CHPF: variants seen among roughly 807,000 people sequenced by gnomAD.
CHPF encodes chondroitin polymerizing factor.
A neutral mutation model predicts 55.1 loss-of-function variants in CHPF; 34 were observed. The observed-to-expected ratio is 0.62, with a 90% CI of 0.47 to 0.82. The LOEUF is 0.82. Among genes scored for constraint, CHPF ranks in the 40% least tolerant of loss-of-function variants. The probability of loss-of-function intolerance (pLI) is 0.00; values close to 1 mark genes in which losing one functional copy is unlikely to be tolerated. For synonymous variants in CHPF, 489 were observed against 496.6 expected (o/e 0.98, Z 0.20); for missense variants, 961 against 1,106.1 (o/e 0.87, Z 1.86).
chr2:219,542,303 C>T, intron 1 of CHPF, 114 bp from the exon 2 acceptor site: 1 of 781,838 alleles, frequency 1.3e-6, no homozygotes. Context: ...GTTCTCTCAC[C>T]TATGAATAGG....
At position 219,541,039 on chromosome 2, in the gene CHPF, G is replaced by A. The variant is rs113173886; in HGVS notation, c.975C>T (p.His325=). ...ACATGTGCACAGGGTCACGCACAGG[G>A]TGGGCTGTCAGGGCACTTCGGAAAT... ...DPHFRSALTA[H]PVRDPVHMYQ... Residue 325 remains histidine, a synonymous_variant, in exon 3 of 4, where the codon CAC becomes CAT. Coordinates refer to ENST00000243776, the MANE Select transcript of CHPF (RefSeq NM_024536.6). 5,518 of 1,613,864 alleles carry A rather than the reference G, an allele frequency of 3.4e-3. 13 individuals carry two copies. Among genetic ancestry groups the A allele is most frequent in the Non-Finnish European group, 4.1e-3 (4,850 of 1,179,902 alleles).
rs1480012189 is a variant in CHPF, at chr2:219,543,319, G to A, written c.220C>T (p.Pro74Ser). 2.5e-6 allele frequency: 4 copies of A among 1,572,774 alleles called. No individual in the cohort carries two copies. The highest frequency in any genetic ancestry group is 2.6e-6 in the Non-Finnish European group (3 of 1,169,268). ...TCCCCGGCGCCTTCGCCGGCCCCGG[G>A]CTTCTCGCGCTCCGCTCCGGGCTGC... ...SVQPGAEREKPGAGEGAGENW... is the reference protein window; with the variant it reads ...SVQPGAEREKSGAGEGAGENW... Residue 74 changes from proline (P) to serine (S), a missense_variant, in exon 1 of 4, where the codon CCC (proline) becomes TCC (serine). Pro to Ser is a moderately conservative substitution (Grantham distance 74). This residue lies in a region of CHPF where 936 missense variants were observed against 1,058.4 expected (regional missense o/e 0.88). Transcript: ENST00000243776.
chr2:219,543,626 A>T lies in CHPF; in HGVS notation c.-88T>A. The T allele has an allele frequency of 9.3e-7, 1 of 1,077,172 alleles. No homozygotes were observed. The highest frequency in any genetic ancestry group is 1.2e-6 in the Non-Finnish European group (1 of 829,388). The allele number at this position is 1,077,172 out of a possible 1,614,324, so 66.7% of individuals were successfully genotyped here. ...GGGGGCGGGACCGGGGAGGGGGCGG[A>T]TCCGGAGGGCTCGGGCCCCGCGGGC... On this transcript the variant is annotated 5_prime_UTR_variant, in exon 1 of 4. Transcript: ENST00000243776.
intron 3 of CHPF, 88 bp from the exon 4 acceptor site, chr2:219,540,730 C>A: frequency 7.3e-7 from 1 of 1,378,118 alleles, no homozygotes; most frequent in South Asian, 1.4e-5. Context: ...AGGTGCCACT[C>A]AGGATGGGCC....
chr2:219,541,719 T>A lies in CHPF; in HGVS notation c.785A>T (p.His262Leu). The A allele has an allele frequency of 6.2e-7, 1 of 1,611,344 alleles. No individual in the cohort carries two copies. The highest frequency in any genetic ancestry group is 1.3e-5 in the African/African-American group (1 of 74,982). Residue 262 changes from histidine (H) to leucine (L), a missense_variant, in exon 2 of 4, where the codon CAC becomes CTC. His to Leu is a moderately conservative substitution (Grantham distance 99). Around this residue, in one of 3 missense-constraint regions of CHPF, gnomAD observed 936 missense variants for 1,058.4 expected, o/e 0.88. Coordinates refer to ENST00000243776, the MANE Select transcript of CHPF (RefSeq NM_024536.6). ...GATGTCGTTGCGGCAGCCTTCCAGG[T>A]GGGGGCGCAGTTGTTGCAGCAGCAT... Reference protein sequence around the residue: ...SRMLLQQLRPHLEGCRNDIVS... With the variant: ...SRMLLQQLRPLLEGCRNDIVS...
At position 219,541,758 on chromosome 2, in the gene CHPF, A is replaced by AC. The variant is rs1695273551; in HGVS notation, c.745dup (p.Val249GlyfsTer28). The AC allele has an allele frequency of 6.2e-7, 1 of 1,610,268 alleles. No individual in the cohort carries two copies. The highest frequency in any genetic ancestry group is 1.1e-5 in the South Asian group (1 of 90,536). Reference sequence around the variant, plus strand: ...TTGCAGCAGCATGCGCGACAGCAGCACCCCAAAGCCTCCGTGGCAGTAGCG... The same window carrying AC: ...TTGCAGCAGCATGCGCGACAGCAGCACCCCCAAAGCCTCCGTGGCAGTAGCG... On this transcript the variant is annotated frameshift_variant, in exon 2 of 4. Coordinates refer to ENST00000243776, the MANE Select transcript of CHPF (RefSeq NM_024536.6). LOFTEE classifies it high-confidence loss of function.
rs1229105719 is a variant in CHPF at position 219,543,543 on chromosome 2, C to T, written c.-5G>A. 7.5e-7 allele frequency: 1 copy of T among 1,330,314 alleles called. No homozygotes were observed. The highest frequency in any genetic ancestry group is 3.1e-5 in the East Asian group (1 of 32,042). 82.4% of individuals were successfully genotyped at this position (1,330,314 alleles called of 1,614,324 possible). A position where few individuals can be genotyped will look rare whatever the true frequency, so the allele number is the denominator to read the frequency against. On this transcript the variant is annotated 5_prime_UTR_variant, in exon 1 of 4. Transcript: ENST00000243776. The stretch of plus-strand genomic sequence containing the variant: ...CAGCAGCAGCGATGCCCGCATGGCG[C>T]CCGGACCGCGGGTCCCCGGCCCCGG...
chr2:219,543,511 G>GCA lies in CHPF; in HGVS notation c.26_27dup (p.Leu10CysfsTer18). On this transcript the variant is annotated frameshift_variant, in exon 1 of 4. Transcript: ENST00000243776. LOFTEE classifies it high-confidence loss of function. ...ACGGCCACGGGCCCTGCGGGCCGCA[G>GCA]CACCGACAGCAGCAGCGATGCCCGC... The GCA allele has an allele frequency of 1.5e-6, 2 of 1,357,318 alleles. No individual in the cohort carries two copies. The highest frequency in any genetic ancestry group is 1.9e-6 in the Non-Finnish European group (2 of 1,060,428). The allele number at this position is 1,357,318 out of a possible 1,614,324, so 84.1% of individuals were successfully genotyped here. A position where few individuals can be genotyped will look rare whatever the true frequency, so the allele number is the denominator to read the frequency against.
In CHPF at chr2:219,539,858, G is replaced by A. The variant is rs1274980676; in HGVS notation, c.1853C>T (p.Thr618Met). 9.3e-6 allele frequency: 15 copies of A among 1,613,560 alleles called. No homozygotes were observed. Among genetic ancestry groups the A allele is most frequent in the Admixed American group, 1.7e-5 (1 of 60,014 alleles). ...DTLFLLAGPD[T>M]VLTPDFLNRC... is the part of the protein sequence containing the mutation. ...GTTCAGGAAGTCAGGCGTGAGCACC[G>A]TGTCTGGCCCGGCCAGCAGGAACAG... Residue 618 changes from threonine (T) to methionine (M), a missense_variant, in exon 4 of 4, where the codon ACG becomes ATG. By Grantham distance (81) the Thr-to-Met change is moderately conservative. Around this residue, in one of 3 missense-constraint regions of CHPF, gnomAD observed 936 missense variants for 1,058.4 expected, o/e 0.88. Transcript: ENST00000243776.
At chr2:219,540,855 AT>A (rs1467753546) in intron 3 of CHPF, 90 bp downstream of exon 3, 2 of 1,521,824 alleles carry the variant, frequency 1.3e-6, no homozygotes, top group African/African-American at 1.4e-5. Flanking sequence ...TTGTTCTGTG[AT>A]TCTAGTGCTA....
rs745870642 is a variant in CHPF at position 219,543,216 on chromosome 2, G to T, written c.314+9C>A. The T allele has an allele frequency of 6.6e-7, 1 of 1,525,732 alleles. No homozygotes were observed. The highest frequency in any genetic ancestry group is 8.7e-7 in the Non-Finnish European group (1 of 1,147,870). 94.5% of individuals were successfully genotyped at this position (1,525,732 alleles called of 1,614,324 possible). ...CCCAGGGGGTAGAGCGGGCGCAGCC[G>T]ATCACTACCTGACGGCCTTTTTGGC... On this transcript the variant is annotated intron_variant, in intron 1 of 3. Coordinates refer to ENST00000243776, the MANE Select transcript of CHPF (RefSeq NM_024536.6).
chr2:219,540,672 G>A (rs762989086), intron 3 of CHPF, 30 bp from the exon 4 acceptor site: 5 of 1,551,540 alleles, frequency 3.2e-6, no homozygotes, highest in Non-Finnish European at 4.3e-6. Flanking sequence ...CATCAGCAAG[G>A]GACAGATTAC....
At position 219,542,200 on chromosome 2, in the gene CHPF, A is replaced by G. The variant is rs1695286969; in HGVS notation, c.315-11T>C. On this transcript the variant is annotated splice_polypyrimidine_tract_variant and intron_variant, in intron 1 of 3. Coordinates refer to ENST00000243776, the MANE Select transcript of CHPF (RefSeq NM_024536.6). ...CTGATGTAGCGGGTCCTAGGGGAGG[A>G]GATGGCACAAGCTTATCAAAAGGAC... 3 of 785,996 alleles carry G rather than the reference A, an allele frequency of 3.8e-6. No individual in the cohort carries two copies. The highest frequency in any genetic ancestry group is 3.2e-6 in the Non-Finnish European group (2 of 620,046). The allele number at this position is 785,996 out of a possible 1,614,324, so 48.7% of individuals were successfully genotyped here.
chr2:219,541,699 C>T lies in CHPF; in HGVS notation c.805G>A (p.Asp269Asn). 1.2e-6 allele frequency: 2 copies of T among 1,611,920 alleles called. No individual in the cohort carries two copies. Among genetic ancestry groups the T allele is most frequent in the South Asian group, 1.1e-5 (1 of 90,772 alleles). The change falls in exon 2 of 4, where the codon GAC (aspartate) becomes AAC (asparagine). Residue 269 changes from aspartate to asparagine, a missense_variant. Transcript: ENST00000243776. ...TCGTCAGGGCGCGCACTGACGATGT[C>T]GTTGCGGCAGCCTTCCAGGTGGGGG... The part of the protein sequence containing the change: ...LRPHLEGCRN[D>N]IVSARPDEWL...
Position 219,543,512 on chromosome 2 carries a change from C to A in CHPF, c.27G>T (p.Val9=), listed in dbSNP as rs770155971. The change falls in exon 1 of 4, where the codon GTG becomes GTT. Residue 9 remains valine, a synonymous_variant. Transcript: ENST00000243776. The stretch of plus-strand genomic sequence containing the variant: ...CGGCCACGGGCCCTGCGGGCCGCAG[C>A]ACCGACAGCAGCAGCGATGCCCGCA... MRASLLLS[V]LRPAGPVAVG... The A allele has an allele frequency of 7.4e-7, 1 of 1,357,362 alleles. No individual in the cohort carries two copies. 84.1% of individuals were successfully genotyped at this position (1,357,362 alleles called of 1,614,324 possible).
chr2:219,543,008 T>C (rs1455185299), intron 1 of CHPF: 10 of 1,340,146 alleles, frequency 7.5e-6, no homozygotes, highest in Non-Finnish European at 9.5e-6. Context: ...TAGGACACAG[T>C]CCAGTAAGTT....
In CHPF at chr2:219,543,510, A is replaced by C. The variant is rs1199341856; in HGVS notation, c.29T>G (p.Leu10Arg). 12 of 1,356,566 alleles carry C rather than the reference A, an allele frequency of 8.8e-6. No homozygotes were observed. In the Admixed American group the frequency reaches 4.7e-4, roughly 53 times the overall value. 84.0% of individuals were successfully genotyped at this position (1,356,566 alleles called of 1,614,324 possible). A position where few individuals can be genotyped will look rare whatever the true frequency, so the allele number is the denominator to read the frequency against. Reference sequence around the variant, plus strand: ...CACGGCCACGGGCCCTGCGGGCCGCAGCACCGACAGCAGCAGCGATGCCCG... The same window carrying C: ...CACGGCCACGGGCCCTGCGGGCCGCCGCACCGACAGCAGCAGCGATGCCCG... MRASLLLSV[L>R]RPAGPVAVGI... Residue 10 changes from leucine to arginine, a missense_variant, in exon 1 of 4, where the codon CTG (leucine) becomes CGG (arginine). Physicochemically the swap from Leu to Arg is moderately radical, Grantham distance 102. This residue lies in a region of CHPF where 19 missense variants were observed against 22.5 expected (regional missense o/e 0.85). Coordinates refer to ENST00000243776, the MANE Select transcript of CHPF (RefSeq NM_024536.6).
Position 219,542,933 on chromosome 2 carries a change from C to T in CHPF, c.314+292G>A, listed in dbSNP as rs1695308752. The stretch of plus-strand genomic sequence containing the variant: ...CTCACCCTATATATAAGTCATTTCT[C>T]TAACACCAGCAGCCCAGCCAGGGAG... On this transcript the variant is annotated intron_variant, in intron 1 of 3. Transcript: ENST00000243776. 6.4e-6 allele frequency: 8 copies of T among 1,243,884 alleles called. No homozygotes were observed. The South Asian group carries it at 2.0e-4, about 31-fold the overall frequency. 77.1% of individuals were successfully genotyped at this position (1,243,884 alleles called of 1,614,324 possible).
At chr2:219,540,874 A>G in intron 3 of CHPF, 72 bp downstream of exon 3, 2 of 1,567,400 alleles carry the variant, frequency 1.3e-6, no homozygotes, top group African/African-American at 1.4e-5. Flanking sequence ...CTAACTTGTC[A>G]TTTCTCTGGG....
Sources: gnomAD v4.1 joint callset for allele counts on GRCh38, gnomAD v4.1.1 for gene constraint, gnomAD v4.1.1 regional missense constraint, MANE v1.5 for transcripts, NCBI Gene and HGNC (gene_info 2026-07-23, HGNC 2026-07-21) for gene names.